The following LRRIQ1 variants were observed in gnomAD, a reference collection of about 807,000 sequenced individuals.
LRRIQ1 encodes the protein leucine rich repeats and IQ motif containing 1, also known as leucine-rich repeat- and IQ domain-containing protein 1.
Under a neutral mutation model 211.9 loss-of-function variants are expected in LRRIQ1, and 210 were observed. The ratio of observed to expected loss-of-function variants is 0.99; its 90% CI spans 0.89 to 1.11. LRRIQ1 has a LOEUF of 1.11. Ranked by LOEUF, LRRIQ1 falls within the 50% of genes most tolerant of loss-of-function variation. LRRIQ1 has a pLI of 0.00. For synonymous variants in LRRIQ1, 699 were observed against 650.1 expected (o/e 1.08, Z -1.14); for missense variants, 2,136 against 1,939.5 (o/e 1.10, Z -1.90).
chr12:85,066,713 G>T, intron 9 of LRRIQ1, 35 bp from the exon 10 acceptor site: 1 of 1,537,694 alleles, frequency 6.5e-7, no homozygotes, highest in East Asian at 2.4e-5. Flanking sequence ...ATAAGCCATT[G>T]AAATAAAACT....
At chr12:85,083,775 G>T (rs1424593893) in intron 11 of LRRIQ1, among the ~76,000 whole-genome samples, 1 of 152,058 alleles carries the variant, frequency 6.6e-6, no homozygotes. Context: ...CCTGCCTATT[G>T]TCTAAAAATT....
chr12:85,053,916 C>G (rs1565789309), intron 7 of LRRIQ1, among the ~76,000 whole-genome samples: 1 of 151,980 alleles, frequency 6.6e-6, no homozygotes, highest in Non-Finnish European at 1.5e-5. Context: ...ACCGTGTTAC[C>G]CAGGATTGAA....
intron 1 of LRRIQ1, among the ~76,000 whole-genome samples, chr12:85,250,975 ATT>A (rs1272102932): frequency 3.5e-5 from 4 of 113,968 alleles, no homozygotes; most frequent in African/African-American, 1.4e-4. Context: ...TATTATATAT[ATT>A]ATAGATTATA....
chr12:85,197,907 A>G (rs1893023101), intron 24 of LRRIQ1, among the ~76,000 whole-genome samples: 1 of 125,042 alleles, frequency 8.0e-6, no homozygotes, highest in Non-Finnish European at 1.6e-5. Flanking sequence ...ATAATAAAAT[A>G]TATAATAAAA....
At chr12:85,036,578 G>T (rs1029923642) in intron 1 of LRRIQ1, among the ~76,000 whole-genome samples, 171 bp downstream of exon 1, 4 of 152,074 alleles carry the variant, frequency 2.6e-5, no homozygotes, top group Admixed American at 2.0e-4. Context: ...TTCCACCCTG[G>T]AGATTTCGAG....
intron 1 of LRRIQ1, among the ~76,000 whole-genome samples, chr12:85,258,757 G>A (rs559501910): frequency 6.6e-6 from 1 of 151,854 alleles, no homozygotes; most frequent in South Asian, 2.1e-4. Flanking sequence ...TGCTGTATCT[G>A]CTGTTAAGTA....
intron 11 of LRRIQ1, among the ~76,000 whole-genome samples, chr12:85,089,234 G>A (rs1373560392): frequency 6.6e-6 from 1 of 152,182 alleles, no homozygotes; most frequent in Non-Finnish European, 1.5e-5. Context: ...TTTATATGAT[G>A]GAGAAGTTTC....
At chr12:85,119,578 A>G (rs1887825395) in intron 15 of LRRIQ1, among the ~76,000 whole-genome samples, 1 of 152,170 alleles carries the variant, frequency 6.6e-6, no homozygotes, top group Admixed American at 6.5e-5. Flanking sequence ...TTTATAGGAA[A>G]TTGTCAAATT....
intron 11 of LRRIQ1, among the ~76,000 whole-genome samples, chr12:85,082,764 A>G (rs1004794782): frequency 1.3e-5 from 2 of 152,086 alleles, no homozygotes; most frequent in African/African-American, 2.4e-5. Context: ...ACCATATTGC[A>G]TTGTGTATTT....
rs1292735482 is a variant in LRRIQ1 at position 85,152,290 on chromosome 12, A to G, written c.4340A>G (p.Glu1447Gly). 5 of 1,609,520 alleles carry G rather than the reference A, an allele frequency of 3.1e-6. No individual in the cohort carries two copies. Among genetic ancestry groups the G allele is most frequent in the Non-Finnish European group, 4.2e-6 (5 of 1,177,670 alleles). The change falls in exon 20 of 27, where the codon GAA becomes GGA. Residue 1447 changes from glutamate to glycine, a missense_variant. Coordinates refer to ENST00000393217, the MANE Select transcript of LRRIQ1 (RefSeq NM_001079910.2). ...EDFIFDEAAL[E>G]EEWLALDSTR... is the part of the protein sequence containing the mutation. ...ATATTATTTGTGCAGGCTGCCTTAG[A>G]AGAAGAATGGCTAGCATTAGATTCC...
chr12:85,217,496 ATATATATATATATGTGTGTGTG>A (rs1252835573), intron 24 of LRRIQ1, among the ~76,000 whole-genome samples: 12 of 78,332 alleles, frequency 1.5e-4, no homozygotes, highest in African/African-American at 1.1e-3. Context: ...ATATATGTAT[ATATATATATATATGTGTGTGTG>A]TGTGTGTGTG....
Position 85,047,227 on chromosome 12 carries a change from A to G in LRRIQ1, c.455-20A>G. The G allele has an allele frequency of 6.5e-7, 1 of 1,531,576 alleles. No individual in the cohort carries two copies. Among genetic ancestry groups the G allele is most frequent in the Non-Finnish European group, 8.8e-7 (1 of 1,137,860 alleles). 94.9% of individuals were successfully genotyped at this position (1,531,576 alleles called of 1,614,324 possible). ...TTTTGATCTTACAAATGATGATGTT[A>G]TTTTTCTTCATGAGTGCAGATGATG... is the stretch of plus-strand genomic sequence containing the variant. On this transcript the variant is annotated intron_variant, in intron 5 of 26. Coordinates refer to ENST00000393217, the MANE Select transcript of LRRIQ1 (RefSeq NM_001079910.2).
At position 85,244,914 on chromosome 12, in the gene LRRIQ1, G is replaced by A. The variant is rs752086545; in HGVS notation, c.5142G>A (p.Lys1714=). 6 of 1,610,410 alleles carry A rather than the reference G, an allele frequency of 3.7e-6. No homozygotes were observed. Among genetic ancestry groups the A allele is most frequent in the Non-Finnish European group, 4.2e-6 (5 of 1,177,868 alleles). ...GACACTCAGCAGGATCTTCAAGTAA[G>A]TTGTGGTTTCCTTCAAAATTAATTT... is the stretch of plus-strand genomic sequence containing the variant. ...AHRHSAGSSS[K]LWFPSKLI is the part of the protein sequence containing the mutation. Residue 1714 remains lysine (K), a synonymous_variant, in exon 27 of 27, where the codon AAG becomes AAA. Transcript: ENST00000393217.
intron 15 of LRRIQ1, among the ~76,000 whole-genome samples, chr12:85,118,115 T>C (rs942098426): frequency 1.5e-4 from 23 of 152,194 alleles, no homozygotes; most frequent in Non-Finnish European, 2.2e-4. Context: ...ATAGCTGTTA[T>C]CTTAACATAA....
rs1169071090 is a variant in LRRIQ1, at chr12:85,036,375, T to TA, written c.-56dup. Reference sequence around the variant, plus strand: ...TGTGTAGCGGCTATGGGCGCTGTCTTACAACAAAGCCAAGGAATCTCGCTG... The same window carrying TA: ...TGTGTAGCGGCTATGGGCGCTGTCTTAACAACAAAGCCAAGGAATCTCGCTG... On this transcript the variant is annotated 5_prime_UTR_variant, in exon 1 of 27. Transcript: ENST00000393217. The TA allele has an allele frequency of 1.3e-5, 2 of 152,164 alleles. No individual in the cohort carries two copies. The highest frequency in any genetic ancestry group is 2.9e-5 in the Non-Finnish European group (2 of 68,068). The allele number at this position is 152,164 out of a possible 1,614,324, so 9.4% of individuals were successfully genotyped here.
intron 24 of LRRIQ1, among the ~76,000 whole-genome samples, chr12:85,170,517 C>T (rs1592918549): frequency 1.3e-5 from 2 of 149,810 alleles, no homozygotes; most frequent in Non-Finnish European, 3.0e-5. Flanking sequence ...ATATATATAA[C>T]ATATATACTT....
chr12:85,039,452 A>G (rs761032209), intron 2 of LRRIQ1, among the ~76,000 whole-genome samples: 25 of 151,682 alleles, frequency 1.6e-4, no homozygotes, highest in Non-Finnish European at 1.9e-4. Flanking sequence ...AGATGTCAGA[A>G]AAGTAGAATT....
At chr12:85,140,489 T>C (rs1354449944) in intron 19 of LRRIQ1, among the ~76,000 whole-genome samples, 1 of 151,356 alleles carries the variant, frequency 6.6e-6, no homozygotes, top group African/African-American at 2.4e-5. Context: ...TTTAATAGAT[T>C]ATCTGTCAAA....
chr12:85,095,719 A>C (rs1885809257), intron 11 of LRRIQ1, among the ~76,000 whole-genome samples: 1 of 152,128 alleles, frequency 6.6e-6, no homozygotes, highest in Admixed American at 6.6e-5. Context: ...ATCTGGTGCC[A>C]GCTCTTCCTG....
Sources: allele counts gnomAD v4.1 joint callset (sites outside exome capture counted in the v4.1 genomes callset), GRCh38; gene constraint gnomAD v4.1.1; transcripts MANE v1.5; gene names NCBI Gene and HGNC (gene_info 2026-07-23, HGNC 2026-07-21).